NEO1: variants seen among roughly 807,000 people sequenced by gnomAD.
The protein encoded by NEO1 is neogenin.
A neutral mutation model predicts 159.7 loss-of-function variants in NEO1; 63 were observed. The ratio of observed to expected loss-of-function variants is 0.39; its 90% CI spans 0.32 to 0.49. The LOEUF (loss-of-function observed/expected upper bound fraction) is 0.49, where lower values mean the gene tolerates loss of function less well. Ranked by LOEUF, NEO1 falls within the 20% of genes least tolerant of loss-of-function variation. NEO1 has a pLI of 0.85. For synonymous variants in NEO1, 633 were observed against 662.0 expected, an observed-to-expected ratio of 0.96 and a Z score of 0.67; for missense variants, 1,615 against 1,831.0, an observed-to-expected ratio of 0.88 and a Z score of 2.15.
intron 7 of NEO1, among the ~76,000 whole-genome samples, chr15:73,188,406 A>G (rs1478073592): frequency 6.6e-6 from 1 of 152,146 alleles, no homozygotes; most frequent in Non-Finnish European, 1.5e-5. Flanking sequence ...ACTTGTTGTT[A>G]TATCCTGAGA....
chr15:73,301,218 G>A, intron 27 of NEO1, 103 bp from the exon 28 acceptor site: 2 of 1,466,258 alleles, frequency 1.4e-6, no homozygotes, highest in East Asian at 2.4e-5. Context: ...CACTGGGTCT[G>A]TATGTCTCTC....
At chr15:73,120,305 G>A (rs1304390905) in intron 2 of NEO1, among the ~76,000 whole-genome samples, 1 of 150,574 alleles carries the variant, frequency 6.6e-6, no homozygotes, top group African/African-American at 2.4e-5. Flanking sequence ...GTAGATTTTT[G>A]GTCAAATCTG....
At chr15:73,198,620 T>A (rs1338982052) in intron 7 of NEO1, among the ~76,000 whole-genome samples, 2 of 152,094 alleles carry the variant, frequency 1.3e-5, no homozygotes, top group Non-Finnish European at 2.9e-5. Context: ...TCTGTTTAGG[T>A]CCAGAAAAAT....
At chr15:73,194,670 C>G (rs1252419121) in intron 7 of NEO1, among the ~76,000 whole-genome samples, 1 of 152,120 alleles carries the variant, frequency 6.6e-6, no homozygotes, top group Non-Finnish European at 1.5e-5. Context: ...AATTGGAGAT[C>G]AAATTTCAAC....
chr15:73,077,651 A>G (rs1176084598), intron 1 of NEO1, among the ~76,000 whole-genome samples: 1 of 152,224 alleles, frequency 6.6e-6, no homozygotes, highest in Non-Finnish European at 1.5e-5. Context: ...TCTCAGACTC[A>G]TTTATTCATT....
At chr15:73,250,858 T>C (rs1333967890) in intron 11 of NEO1, among the ~76,000 whole-genome samples, 1 of 152,150 alleles carries the variant, frequency 6.6e-6, no homozygotes, top group Non-Finnish European at 1.5e-5. Context: ...ATTAGATACA[T>C]ATGGTATTAG....
chr15:73,203,594 C>T (rs1048613531), intron 7 of NEO1, among the ~76,000 whole-genome samples: 1 of 152,068 alleles, frequency 6.6e-6, no homozygotes, highest in Non-Finnish European at 1.5e-5. Flanking sequence ...TTTATATAAT[C>T]TTATCTCCTC....
chr15:73,097,776 CTTTTTTTTTTTT>C (rs34165169), intron 1 of NEO1, among the ~76,000 whole-genome samples: 2 of 75,554 alleles, frequency 2.6e-5, no homozygotes, highest in Admixed American at 1.4e-4. Flanking sequence ...TGGAACTAGC[CTTTTTTTTTTTT>C]TTTTTTTTTT....
chr15:73,300,365 GAACT>G (rs1345285005), intron 27 of NEO1, among the ~76,000 whole-genome samples: 1 of 152,142 alleles, frequency 6.6e-6, no homozygotes, highest in Non-Finnish European at 1.5e-5. Flanking sequence ...GTCTGTCTTT[GAACT>G]AACAGTGATA....
At chr15:73,276,654 G>T (rs1323721709) in intron 21 of NEO1, among the ~76,000 whole-genome samples, 1 of 152,194 alleles carries the variant, frequency 6.6e-6, no homozygotes, top group African/African-American at 2.4e-5. Flanking sequence ...GTTTCTGGAA[G>T]CATAGCATTG....
intron 23 of NEO1, among the ~76,000 whole-genome samples, chr15:73,286,975 G>A (rs979039105): frequency 5.3e-5 from 8 of 152,112 alleles, no homozygotes; most frequent in Non-Finnish European, 1.2e-4. Flanking sequence ...CTGGTATAAA[G>A]TTTTAACTCA....
intron 5 of NEO1, among the ~76,000 whole-genome samples, chr15:73,137,039 G>A (rs1289997249): frequency 1.3e-5 from 2 of 152,062 alleles, no homozygotes; most frequent in African/African-American, 2.4e-5. Flanking sequence ...TTCTTTGCTC[G>A]GGGCCTCAGC....
chr15:73,063,329 C>T (rs1237824223), intron 1 of NEO1, among the ~76,000 whole-genome samples: 2 of 152,016 alleles, frequency 1.3e-5, no homozygotes, highest in African/African-American at 4.8e-5. Context: ...CAAAGAATGA[C>T]TTAATATGTG....
At chr15:73,245,609 C>G (rs2039748859) in intron 9 of NEO1, among the ~76,000 whole-genome samples, 1 of 150,080 alleles carries the variant, frequency 6.7e-6, no homozygotes, top group African/African-American at 2.5e-5. Context: ...GAGTCTCGCT[C>G]TGTCGCCCAG....
At chr15:73,060,911 A>G (rs1466712403) in intron 1 of NEO1, among the ~76,000 whole-genome samples, 1 of 152,172 alleles carries the variant, frequency 6.6e-6, no homozygotes, top group East Asian at 1.9e-4. Context: ...CAGCCTCCCA[A>G]AGTGCTGGGA....
intron 7 of NEO1, among the ~76,000 whole-genome samples, chr15:73,201,455 G>A (rs1041874997): frequency 8.6e-5 from 13 of 151,760 alleles, no homozygotes; most frequent in African/African-American, 2.9e-4. Flanking sequence ...TTATTTAAAT[G>A]CGTTAAAGTA....
At chr15:73,236,291 T>A in intron 7 of NEO1, 56 bp from the exon 8 acceptor site, 1 of 1,613,938 alleles carries the variant, frequency 6.2e-7, no homozygotes, top group East Asian at 2.2e-5. Context: ...GACAAGATGT[T>A]GCCATCCCAA....
intron 23 of NEO1, among the ~76,000 whole-genome samples, chr15:73,284,638 T>C (rs1159635960): frequency 2.0e-5 from 3 of 149,798 alleles, no homozygotes; most frequent in African/African-American, 7.4e-5. Flanking sequence ...CAGGCTGGAA[T>C]GCAGTGGCAC....
intron 7 of NEO1, among the ~76,000 whole-genome samples, chr15:73,193,692 G>C (rs1358501466): frequency 6.7e-6 from 1 of 149,696 alleles, no homozygotes; most frequent in East Asian, 2.0e-4. Flanking sequence ...CATATTCCAT[G>C]GTCACCCCAA....
Sources: gnomAD v4.1 joint callset for allele counts (sites outside exome capture counted in the v4.1 genomes callset) on GRCh38, gnomAD v4.1.1 for gene constraint, MANE v1.5 for transcripts, NCBI Gene and HGNC (gene_info 2026-07-23, HGNC 2026-07-21) for gene names.